The following DCAF6 variants were observed in gnomAD, a reference collection of about 807,000 sequenced individuals.
The protein encoded by DCAF6 is DDB1 and CUL4 associated factor 6.
Under a neutral mutation model 125.1 loss-of-function variants are expected in DCAF6, and 54 were observed. The observed-to-expected ratio is 0.43, with a 90% confidence interval of 0.35 to 0.54. DCAF6 has a LOEUF of 0.54. Among genes scored for constraint, DCAF6 ranks in the 20% least tolerant of loss-of-function variants. The pLI is 0.01. For synonymous variants in DCAF6, 371 were observed against 390.4 expected, an observed-to-expected ratio of 0.95 and a Z score of 0.58; for missense variants, 934 against 1,161.7, an observed-to-expected ratio of 0.80 and a Z score of 2.85.
chr1:168,065,892 T>C, intron 19 of DCAF6, 146 bp downstream of exon 19: 1 of 691,380 alleles, frequency 1.4e-6, no homozygotes, highest in South Asian at 3.2e-5. Context: ...CAGCTGAACT[T>C]GCACTTCAAA....
chr1:168,058,651 C>T (rs1691201298), intron 17 of DCAF6, among the ~76,000 whole-genome samples: 1 of 152,200 alleles, frequency 6.6e-6, no homozygotes, highest in Admixed American at 6.5e-5. Flanking sequence ...TCACTGGAAC[C>T]TCTGCCTCCC....
chr1:167,950,711 T>G (rs1462748648), intron 1 of DCAF6, among the ~76,000 whole-genome samples: 1 of 152,212 alleles, frequency 6.6e-6, no homozygotes, highest in African/African-American at 2.4e-5. Flanking sequence ...GATTACTTAA[T>G]TATTGTTCTT....
intron 11 of DCAF6, among the ~76,000 whole-genome samples, chr1:168,021,666 T>G (rs914625161): frequency 6.6e-6 from 1 of 152,294 alleles, no homozygotes; most frequent in Admixed American, 6.5e-5. Context: ...TGTCAAAATC[T>G]AGTAAGAGAA....
the DCAF6 span, among the ~76,000 whole-genome samples, chr1:167,906,854 T>TA: frequency 6.6e-6 from 1 of 152,058 alleles, no homozygotes; most frequent in African/African-American, 2.4e-5. Flanking sequence ...ATGAAAGACT[T>TA]ACAAAAAATG....
chr1:167,893,033 G>A, the DCAF6 span, among the ~76,000 whole-genome samples: 1 of 152,184 alleles, frequency 6.6e-6, no homozygotes, highest in East Asian at 1.9e-4. Flanking sequence ...CATATGGTGA[G>A]TGATAAGAGA....
the DCAF6 span, chr1:167,880,524 A>G: frequency 6.2e-7 from 1 of 1,614,112 alleles, no homozygotes; most frequent in Non-Finnish European, 8.5e-7. Context: ...GAAGTCAAAT[A>G]TATCCATAGC....
chr1:168,041,154 G>T (rs372324215), intron 13 of DCAF6, among the ~76,000 whole-genome samples: 1 of 152,016 alleles, frequency 6.6e-6, no homozygotes, highest in Admixed American at 6.6e-5. Flanking sequence ...GAGAAAGTAC[G>T]TAGCACTTAC....
the DCAF6 span, chr1:167,883,662 C>G: frequency 3.4e-3 from 5,499 of 1,610,474 alleles, 7 homozygotes; most frequent in Non-Finnish European, 4.1e-3. Flanking sequence ...TGTAGGTGTC[C>G]TTGGCAGTGG....
chr1:168,072,385 C>T (rs1369905987), intron 21 of DCAF6, among the ~76,000 whole-genome samples: 2 of 145,588 alleles, frequency 1.4e-5, no homozygotes, highest in Non-Finnish European at 3.0e-5. Context: ...CTTCTCATAT[C>T]TTCCCTCTCA....
chr1:168,015,243 T>A (rs1165828430), intron 10 of DCAF6, among the ~76,000 whole-genome samples: 1 of 152,226 alleles, frequency 6.6e-6, no homozygotes, highest in Non-Finnish European at 1.5e-5. Flanking sequence ...ACTTAAAAAA[T>A]TTTTTAAAAT....
intron 11 of DCAF6, among the ~76,000 whole-genome samples, chr1:168,020,986 T>C (rs1002066946): frequency 2.0e-5 from 3 of 152,142 alleles, no homozygotes; most frequent in African/African-American, 7.2e-5. Flanking sequence ...ACAATGTCTA[T>C]GGCAGAGTAA....
At chr1:167,898,586 G>A in the DCAF6 span, among the ~76,000 whole-genome samples, 4 of 116,002 alleles carry the variant, frequency 3.4e-5, no homozygotes, top group Admixed American at 2.1e-4. Context: ...TCAACAGAGC[G>A]AGACTCCGTT....
At chr1:168,072,294 TAAAAAAAAAAAAAAA>T (rs59674650) in intron 21 of DCAF6, among the ~76,000 whole-genome samples, 20 of 41,016 alleles carry the variant, frequency 4.9e-4, no homozygotes, top group East Asian at 7.6e-4. Flanking sequence ...AGAATCAGTC[TAAAAAAAAAAAAAAA>T]AAAAAAAAAA....
At chr1:167,940,505 A>G (rs1672077423) in intron 1 of DCAF6, among the ~76,000 whole-genome samples, 1 of 135,872 alleles carries the variant, frequency 7.4e-6, no homozygotes, top group Non-Finnish European at 1.6e-5. Context: ...AGCCTCCTGG[A>G]ATTTTTTTTT....
intron 21 of DCAF6, among the ~76,000 whole-genome samples, chr1:168,074,979 C>A (rs1358668885): frequency 2.6e-5 from 4 of 152,220 alleles, no homozygotes; most frequent in Non-Finnish European, 4.4e-5. Flanking sequence ...TTAAAAAAAT[C>A]TTTTTACAAA....
At chr1:168,050,788 T>A (rs1392428983) in intron 16 of DCAF6, 104 bp from the exon 17 acceptor site, 10 of 610,926 alleles carry the variant, frequency 1.6e-5, no homozygotes, top group African/African-American at 9.4e-5. Flanking sequence ...AGTTTTTTTT[T>A]AAATTGAGAT....
chr1:167,956,551 A>G (rs1022456579), intron 2 of DCAF6, among the ~76,000 whole-genome samples: 2 of 151,828 alleles, frequency 1.3e-5, no homozygotes, highest in African/African-American at 4.8e-5. Flanking sequence ...TCTGTTTTCT[A>G]TTTCATTGAT....
chr1:167,940,301 A>AT (rs1672036273), intron 1 of DCAF6, among the ~76,000 whole-genome samples: 1 of 152,166 alleles, frequency 6.6e-6, no homozygotes, highest in African/African-American at 2.4e-5. Flanking sequence ...ACTAGCATGG[A>AT]TTTAGAGGAT....
At chr1:167,894,406 G>C in the DCAF6 span, among the ~76,000 whole-genome samples, 2 of 152,106 alleles carry the variant, frequency 1.3e-5, no homozygotes, top group African/African-American at 4.8e-5. Context: ...AAGTCACTTT[G>C]CTGCCCTGGT....
Sources: gnomAD v4.1 joint callset for allele counts (sites outside exome capture counted in the v4.1 genomes callset) on GRCh38, gnomAD v4.1.1 for gene constraint, MANE v1.5 for transcripts, NCBI Gene and HGNC (gene_info 2026-07-23, HGNC 2026-07-21) for gene names.